Variants in VWDE observed in about 807,000 individuals in gnomAD.
VWDE encodes the protein von Willebrand factor D and EGF domains, also known as von Willebrand factor D and EGF domain-containing protein.
In VWDE, 207 loss-of-function variants were observed where a neutral mutation model predicts 178.4. The observed-to-expected ratio is 1.16, with a 90% CI of 1.04 to 1.30. The LOEUF is 1.30. Ranked by LOEUF, VWDE falls within the 50% of genes most tolerant of loss-of-function variation. The pLI is 0.00. For synonymous variants in VWDE, 738 were observed against 651.4 expected (o/e 1.13, Z -2.02); for missense variants, 2,287 against 1,901.3 (o/e 1.20, Z -3.77).
chr7:12,342,681 T>C (rs1050607083), intron 22 of VWDE, among the ~76,000 whole-genome samples: 1 of 150,830 alleles, frequency 6.6e-6, no homozygotes, highest in East Asian at 1.9e-4. Flanking sequence ...ATTATTATGA[T>C]TATTATTATT....
In VWDE at chr7:12,342,296, G is replaced by A. The variant is rs141844946; in HGVS notation, c.4175-142C>T. 6.1e-3 allele frequency: 3,438 copies of A among 562,102 alleles called. 194 individuals are homozygous for A. The Admixed American group carries it at 0.095, about 16-fold the overall frequency. The allele number at this position is 562,102 out of a possible 1,614,324, so 34.8% of individuals were successfully genotyped here. A position where few individuals can be genotyped will look rare whatever the true frequency, so the allele number is the denominator to read the frequency against. ...GAAAGATAAAATACAATTTATATTC[G>A]GGTTTCAAATGCTTTCTGATTCTCA... On this transcript the variant is annotated intron_variant, in intron 22 of 28. Transcript: ENST00000275358.
intron 3 of VWDE, 53 bp from the exon 4 acceptor site, chr7:12,383,654 T>C (rs1783963433): frequency 7.3e-7 from 1 of 1,371,730 alleles, no homozygotes; most frequent in Non-Finnish European, 1.0e-6. Context: ...AAGATATACA[T>C]CTACATATAT....
At chr7:12,332,059 G>A (rs949709807) in intron 28 of VWDE, among the ~76,000 whole-genome samples, 2 of 152,102 alleles carry the variant, frequency 1.3e-5, no homozygotes, top group Non-Finnish European at 2.9e-5. Flanking sequence ...GTAGGGAAGA[G>A]GGGAGCAAGG....
intron 7 of VWDE, 170 bp downstream of exon 7, chr7:12,377,606 T>A: frequency 2.5e-6 from 1 of 403,896 alleles, no homozygotes; most frequent in Non-Finnish European, 4.3e-6. Flanking sequence ...GTGAATTGCT[T>A]TGGCAATCGT....
At chr7:12,388,473 C>A (rs895508099) in intron 3 of VWDE, among the ~76,000 whole-genome samples, 2 of 152,004 alleles carry the variant, frequency 1.3e-5, no homozygotes, top group Non-Finnish European at 2.9e-5. Flanking sequence ...TATTCAAAAT[C>A]TTTTAGGTGA....
At chr7:12,346,462 GC>G in intron 19 of VWDE, among the ~76,000 whole-genome samples, 1 of 152,120 alleles carries the variant, frequency 6.6e-6, no homozygotes, top group Middle Eastern at 3.4e-3. Context: ...AAATGTATAA[GC>G]AAAAATTGGG....
intron 18 of VWDE, among the ~76,000 whole-genome samples, chr7:12,352,345 T>C (rs1183765830): frequency 6.6e-6 from 1 of 152,196 alleles, no homozygotes; most frequent in African/African-American, 2.4e-5. Flanking sequence ...TAACTGTGCT[T>C]TATTCATGTT....
intron 12 of VWDE, among the ~76,000 whole-genome samples, chr7:12,368,773 G>A (rs1782998692): frequency 6.6e-6 from 1 of 152,138 alleles, no homozygotes; most frequent in Admixed American, 6.6e-5. Flanking sequence ...ATCTGAGGGG[G>A]AAATAATGGT....
Position 12,357,425 on chromosome 7 carries a change from G to A in VWDE, c.3365C>T (p.Pro1122Leu). The change falls in exon 17 of 29, where the codon CCA (proline) becomes CTA (leucine). Residue 1122 changes from proline (P) to leucine (L), a missense_variant. By Grantham distance (98) the Pro-to-Leu change is moderately conservative. Transcript: ENST00000275358. The part of the protein sequence containing the change: ...NFEYQFVAFD[P>L]EGSDIHFTLD... ...CGTAAAATGGATGTCAGAACCTTCT[G>A]GATCGAAGGCCACGAACTGATACTC... 1.3e-6 allele frequency: 2 copies of A among 1,551,868 alleles called. No individual in the cohort carries two copies. The highest frequency in any genetic ancestry group is 1.7e-6 in the Non-Finnish European group (2 of 1,147,050).
intron 19 of VWDE, among the ~76,000 whole-genome samples, chr7:12,350,682 C>G (rs1203842467): frequency 1.3e-5 from 2 of 152,188 alleles, no homozygotes; most frequent in Non-Finnish European, 2.9e-5. Flanking sequence ...GCTCAACTCT[C>G]TCTCCTGTAA....
chr7:12,360,247 G>C (rs1285172287), intron 15 of VWDE, among the ~76,000 whole-genome samples: 1 of 152,026 alleles, frequency 6.6e-6, no homozygotes, highest in Non-Finnish European at 1.5e-5. Flanking sequence ...AGTATTCTTA[G>C]GGAGAGAATT....
chr7:12,341,846 A>T (rs1041751173), intron 23 of VWDE, among the ~76,000 whole-genome samples: 1 of 152,214 alleles, frequency 6.6e-6, no homozygotes, highest in Non-Finnish European at 1.5e-5. Flanking sequence ...GTTGGTTAAG[A>T]TAACAGTAAA....
intron 1 of VWDE, among the ~76,000 whole-genome samples, chr7:12,396,808 G>A (rs939908981): frequency 7.9e-5 from 12 of 151,972 alleles, no homozygotes; most frequent in Non-Finnish European, 1.6e-4. Context: ...TGTGGTGCAT[G>A]CCTGTAATCC....
At chr7:12,362,240 CACA>C (rs1170693770) in intron 13 of VWDE, among the ~76,000 whole-genome samples, 1 of 151,782 alleles carries the variant, frequency 6.6e-6, no homozygotes, top group Non-Finnish European at 1.5e-5. Flanking sequence ...CACACACACA[CACA>C]CATAAAAATG....
chr7:12,336,369 T>C (rs80045192), intron 26 of VWDE, 133 bp from the exon 27 acceptor site: 7,159 of 714,300 alleles, frequency 0.01, 236 homozygotes, highest in African/African-American at 0.081. Flanking sequence ...TTTTCCCTAA[T>C]ATTTTATCAA....
At chr7:12,354,170 C>G in intron 18 of VWDE, 1 of 250,310 alleles carries the variant, frequency 4.0e-6, no homozygotes, top group South Asian at 4.3e-5. Context: ...CTGTTACACT[C>G]TACCTATTAA....
rs1225383190 is a variant in VWDE at position 12,377,906 on chromosome 7, C to T, written c.894G>A (p.Leu298=). 7 of 1,464,894 alleles carry T rather than the reference C, an allele frequency of 4.8e-6. No individual in the cohort carries two copies. In the Admixed American group the frequency reaches 1.9e-4, roughly 40 times the overall value. 90.7% of individuals were successfully genotyped at this position (1,464,894 alleles called of 1,614,324 possible). The change falls in exon 7 of 29, where the codon TTG becomes TTA. Residue 298 remains leucine (L), a synonymous_variant. Coordinates refer to ENST00000275358, the MANE Select transcript of VWDE (RefSeq NM_001135924.3). ...CTTTCCCATCCTCTGATATAGTGCTCAATTCAGGCTGTAGCTGGTATAAGA... is the reference window on the plus strand; with the variant it reads ...CTTTCCCATCCTCTGATATAGTGCTTAATTCAGGCTGTAGCTGGTATAAGA... ...FFAGFKLQPE[L]STISEDGKEY... is the part of the protein sequence containing the mutation.
At chr7:12,354,217 G>T in intron 18 of VWDE, 2 of 286,014 alleles carry the variant, frequency 7.0e-6, no homozygotes, top group Non-Finnish European at 1.4e-5. Context: ...TGCATCCTTT[G>T]TATCTAGTTC....
chr7:12,382,474 G>A (rs557202394), intron 4 of VWDE, among the ~76,000 whole-genome samples: 4 of 151,708 alleles, frequency 2.6e-5, no homozygotes, highest in African/African-American at 9.7e-5. Flanking sequence ...AAACCATTTG[G>A]AATAGGGCAT....
Sources: gnomAD v4.1 joint callset for allele counts (sites outside exome capture counted in the v4.1 genomes callset) on GRCh38, gnomAD v4.1.1 for gene constraint, MANE v1.5 for transcripts, NCBI Gene and HGNC (gene_info 2026-07-23, HGNC 2026-07-21) for gene names.